The following CTNNA3 variants were observed in gnomAD, a reference collection of about 807,000 sequenced individuals.
CTNNA3 encodes the protein catenin alpha-3.
A neutral mutation model predicts 95.7 loss-of-function variants in CTNNA3; 76 were observed. That is an observed-to-expected ratio of 0.79 (90% confidence interval 0.66 to 0.96). The LOEUF (loss-of-function observed/expected upper bound fraction) is 0.96. Among genes scored for constraint, CTNNA3 ranks in the 40% least tolerant of loss-of-function variants. CTNNA3 has a pLI of 0.00. For synonymous variants in CTNNA3, 431 were observed against 374.4 expected, an observed-to-expected ratio of 1.15 and a Z score of -1.74; for missense variants, 1,191 against 1,089.8, an observed-to-expected ratio of 1.09 and a Z score of -1.31.
rs1457282342 is a variant in CTNNA3 at position 66,333,008 on chromosome 10, T to G, written c.1732+46144A>C. On this transcript the variant is annotated intron_variant, in intron 12 of 17. Transcript: ENST00000433211. ...CATTTCTTTGAGATTTTCTAGTTTATTTGTGTAGAGGTGTTTATAGTATTC... is the reference window on the plus strand; with the variant it reads ...CATTTCTTTGAGATTTTCTAGTTTAGTTGTGTAGAGGTGTTTATAGTATTC... Among the ~76,000 whole-genome samples, 6 of 152,260 alleles carry G rather than the reference T, an allele frequency of 3.9e-5. No homozygotes were observed. In the East Asian group the frequency reaches 7.7e-4, roughly 20 times the overall value.
intron 6 of CTNNA3, among the ~76,000 whole-genome samples, chr10:67,210,846 C>T (rs1163487589): frequency 1.3e-5 from 2 of 152,126 alleles, no homozygotes; most frequent in African/African-American, 4.8e-5. Context: ...TACACAATCC[C>T]TTCATCAGCT....
At chr10:65,939,264 GAAT>G (rs1266975831) in intron 17 of CTNNA3, among the ~76,000 whole-genome samples, 1 of 152,108 alleles carries the variant, frequency 6.6e-6, no homozygotes. Flanking sequence ...TTTGGCTACC[GAAT>G]AATTTTTTCC....
chr10:66,497,307 G>A (rs185356939), intron 11 of CTNNA3, among the ~76,000 whole-genome samples: 15 of 151,912 alleles, frequency 9.9e-5, no homozygotes, highest in African/African-American at 3.6e-4. Context: ...TTAGGATGGT[G>A]CAAAAGTAGT....
intron 9 of CTNNA3, among the ~76,000 whole-genome samples, chr10:66,665,917 C>T (rs2394281): frequency 0.65 from 99,590 of 152,054 alleles, 33,446 homozygotes; most frequent in East Asian, 0.95. Flanking sequence ...TGGTTTATGA[C>T]TTATAAGTAC....
intron 15 of CTNNA3, among the ~76,000 whole-genome samples, chr10:66,021,085 C>T (rs1309349228): frequency 6.6e-6 from 1 of 152,132 alleles, no homozygotes; most frequent in Non-Finnish European, 1.5e-5. Flanking sequence ...TCTCTGCCCA[C>T]TTAGAGTAAT....
intron 10 of CTNNA3, among the ~76,000 whole-genome samples, chr10:66,562,077 C>T (rs1842571793): frequency 6.6e-6 from 1 of 151,932 alleles, no homozygotes; most frequent in African/African-American, 2.4e-5. Flanking sequence ...CTATGAAAAC[C>T]TAAGGCCTGG....
intron 5 of CTNNA3, among the ~76,000 whole-genome samples, chr10:67,370,885 G>C (rs990112936): frequency 1.7e-5 from 1 of 57,198 alleles, no homozygotes; most frequent in Non-Finnish European, 3.5e-5. Flanking sequence ...TTTTTTTTTT[G>C]AGACAGAGTC....
At chr10:67,367,193 G>A (rs1400286411) in intron 5 of CTNNA3, among the ~76,000 whole-genome samples, 1 of 151,852 alleles carries the variant, frequency 6.6e-6, no homozygotes, top group Admixed American at 6.6e-5. Flanking sequence ...ATCCAACAAT[G>A]GTCTAAAATC....
chr10:67,008,070 C>CT (rs918021853), intron 7 of CTNNA3, among the ~76,000 whole-genome samples: 9 of 151,200 alleles, frequency 6.0e-5, no homozygotes, highest in African/African-American at 2.2e-4. Context: ...TGAGATGTTT[C>CT]TTTTTTCTTG....
chr10:67,308,525 A>G (rs1348288698), intron 5 of CTNNA3, among the ~76,000 whole-genome samples: 2 of 152,104 alleles, frequency 1.3e-5, no homozygotes, highest in Admixed American at 1.3e-4. Context: ...AAATTACCCC[A>G]TCTTGGGCAT....
intron 1 of CTNNA3, among the ~76,000 whole-genome samples, chr10:67,714,073 T>C (rs972567526): frequency 6.6e-6 from 1 of 152,088 alleles, no homozygotes; most frequent in African/African-American, 2.4e-5. Context: ...ATGGAGAACC[T>C]CTGCTAGGGC....
intron 7 of CTNNA3, among the ~76,000 whole-genome samples, chr10:67,162,827 C>T (rs1861608422): frequency 6.6e-6 from 1 of 151,868 alleles, no homozygotes; most frequent in Non-Finnish European, 1.5e-5. Flanking sequence ...ATCCTACAGG[C>T]ATCAAAGCAC....
chr10:66,629,182 C>T (rs2132338408), intron 9 of CTNNA3, among the ~76,000 whole-genome samples: 1 of 152,132 alleles, frequency 6.6e-6, no homozygotes, highest in African/African-American at 2.4e-5. Context: ...AGTTCAGCCA[C>T]AGAGACAACC....
At chr10:66,736,346 C>T (rs984416267) in intron 9 of CTNNA3, among the ~76,000 whole-genome samples, 7 of 150,850 alleles carry the variant, frequency 4.6e-5, no homozygotes, top group East Asian at 3.9e-4. Context: ...CCGCCACACC[C>T]GGCTAATTTT....
intron 13 of CTNNA3, among the ~76,000 whole-genome samples, chr10:66,138,524 A>G (rs886638104): frequency 6.6e-6 from 1 of 152,124 alleles, no homozygotes; most frequent in African/African-American, 2.4e-5. Context: ...GATGATAAAA[A>G]TCCTTATTTA....
intron 14 of CTNNA3, among the ~76,000 whole-genome samples, chr10:66,073,507 G>T (rs2080484486): frequency 2.0e-5 from 3 of 152,088 alleles, no homozygotes. Context: ...AACACACTCA[G>T]CCAAACCATT....
In CTNNA3 at chr10:65,913,606, T is replaced by C. The variant is rs964194379; in HGVS notation, c.*6724A>G. The C allele has an allele frequency of 1.3e-5, 2 of 152,098 alleles. No individual in the cohort carries two copies. The highest frequency in any genetic ancestry group is 2.9e-5 in the Non-Finnish European group (2 of 68,012). The allele number at this position is 152,098 out of a possible 1,614,324, so 9.4% of individuals were successfully genotyped here. On this transcript the variant is annotated 3_prime_UTR_variant, in exon 18 of 18. Transcript: ENST00000433211. ...ATACTAACATGTAAAAATACAGCAT[T>C]ATAATGGTATAAGATTTGGCAAGCA...
At chr10:66,014,119 T>A (rs527439490) in intron 15 of CTNNA3, among the ~76,000 whole-genome samples, 1,908 of 150,124 alleles carry the variant, frequency 0.013, 30 homozygotes, top group African/African-American at 0.045. Context: ...TTTTTTTTTT[T>A]ATTTTTATCA....
At chr10:67,613,717 A>T (rs1230728806) in intron 2 of CTNNA3, among the ~76,000 whole-genome samples, 1 of 151,418 alleles carries the variant, frequency 6.6e-6, no homozygotes. Flanking sequence ...TGATTTTTTC[A>T]TTTTTTTCAA....
Sources: allele counts gnomAD v4.1 joint callset (sites outside exome capture counted in the v4.1 genomes callset), GRCh38; gene constraint gnomAD v4.1.1; transcripts MANE v1.5; gene names NCBI Gene and HGNC (gene_info 2026-07-23, HGNC 2026-07-21).